The following ZNF710 variants were observed in gnomAD, a reference collection of about 807,000 sequenced individuals.
ZNF710 encodes zinc finger protein 710.
A neutral mutation model predicts 50.6 loss-of-function variants in ZNF710; 13 were observed. The ratio of observed to expected loss-of-function variants is 0.26; its 90% confidence interval spans 0.17 to 0.41. The LOEUF (loss-of-function observed/expected upper bound fraction) is 0.41, where lower values mean the gene tolerates loss of function less well. ZNF710 is among the 10% of genes least tolerant of loss of function. The pLI, the probability that ZNF710 is intolerant of heterozygous loss-of-function variation, is 1.00. For missense variants in ZNF710, 721 were observed against 936.6 expected (o/e 0.77, Z 3.01); for synonymous variants, 383 against 397.0 (o/e 0.96, Z 0.42).
Position 90,079,844 on chromosome 15 carries a change from C to A in ZNF710, c.*15C>A. The A allele has an allele frequency of 6.4e-7, 1 of 1,572,666 alleles. No individual in the cohort carries two copies. Among genetic ancestry groups the A allele is most frequent in the Non-Finnish European group, 8.6e-7 (1 of 1,163,370 alleles). On this transcript the variant is annotated 3_prime_UTR_variant, in exon 5 of 5. Coordinates refer to ENST00000268154, the MANE Select transcript of ZNF710 (RefSeq NM_198526.4). ...ATGTGCTATAGCGCAAGCTGGGCCA[C>A]CCCTAACGGGGGCCGGGGGCGAGGG...
chr15:90,015,898 C>G (rs901444220), intron 1 of ZNF710, among the ~76,000 whole-genome samples: 1 of 152,148 alleles, frequency 6.6e-6, no homozygotes, highest in Non-Finnish European at 1.5e-5. Context: ...CGTGAGTCAC[C>G]GCGCCCAATG....
intron 1 of ZNF710, among the ~76,000 whole-genome samples, chr15:90,023,256 C>G (rs1358809249): frequency 6.6e-6 from 1 of 152,192 alleles, no homozygotes; most frequent in Non-Finnish European, 1.5e-5. Flanking sequence ...AAAAGTAAAG[C>G]AGGAGCTACA....
At chr15:90,043,200 C>T (rs919883550) in intron 1 of ZNF710, among the ~76,000 whole-genome samples, 9 of 152,268 alleles carry the variant, frequency 5.9e-5, no homozygotes, top group African/African-American at 1.7e-4. Flanking sequence ...CGGCTTTCAC[C>T]TCCAGCCAGG....
rs758316115 is a variant in ZNF710, at chr15:90,034,240, C to T, written c.-29+32626C>T. Among the ~76,000 whole-genome samples, 13 of 150,566 alleles carry T rather than the reference C, an allele frequency of 8.6e-5. No individual in the cohort carries two copies. Among genetic ancestry groups the T allele is most frequent in the South Asian group, 2.1e-4 (1 of 4,794 alleles). On this transcript the variant is annotated intron_variant, in intron 1 of 4. Coordinates refer to ENST00000268154, the MANE Select transcript of ZNF710 (RefSeq NM_198526.4). This position sits in a 1 kb window ranked among gnomAD's most constrained non-coding sequence, Gnocchi z 4.0. ...AAGAAAAGAAAAGAAAACAGGTGAACGACAGTCACTCCTGGAGGGGTTCTT... is the reference window on the plus strand; with the variant it reads ...AAGAAAAGAAAAGAAAACAGGTGAATGACAGTCACTCCTGGAGGGGTTCTT...
In ZNF710 at chr15:90,059,391, C is replaced by A. The variant is rs1327644422; in HGVS notation, c.-28-7719C>A. Among the ~76,000 whole-genome samples, 1 of 152,248 alleles carries A rather than the reference C, an allele frequency of 6.6e-6. No individual in the cohort carries two copies. The highest frequency in any genetic ancestry group is 1.9e-4 in the East Asian group (1 of 5,202). ...GACCTGCATTCTAGCCCTTGCTCCC[C>A]CACCGTCTCACTGTGTGACCTTGGA... On this transcript the variant is annotated intron_variant, in intron 1 of 4. Transcript: ENST00000268154. This position sits in a 1 kb window ranked among gnomAD's most constrained non-coding sequence, Gnocchi z 4.1.
chr15:90,033,851 G>A (rs1477284299), intron 1 of ZNF710, among the ~76,000 whole-genome samples: 2 of 152,154 alleles, frequency 1.3e-5, no homozygotes, highest in African/African-American at 2.4e-5. Flanking sequence ...AAACGTGGGC[G>A]CTACCAGCTG....
At chr15:90,020,965 A>G (rs1898599137) in intron 1 of ZNF710, among the ~76,000 whole-genome samples, 1 of 151,760 alleles carries the variant, frequency 6.6e-6, no homozygotes, top group African/African-American at 2.4e-5. Flanking sequence ...CACCAAGGGC[A>G]TGAGTAGTGG....
At chr15:90,058,466 A>C (rs1355495692) in intron 1 of ZNF710, among the ~76,000 whole-genome samples, 1 of 151,942 alleles carries the variant, frequency 6.6e-6, no homozygotes, top group Non-Finnish European at 1.5e-5. Flanking sequence ...TTCACTCTCC[A>C]TCTCACTTAC....
At chr15:90,056,355 G>A (rs1467947608) in intron 1 of ZNF710, among the ~76,000 whole-genome samples, 3 of 152,100 alleles carry the variant, frequency 2.0e-5, no homozygotes, top group Admixed American at 2.0e-4. Flanking sequence ...CGGAGGTTGC[G>A]GTGAGCCGAG....
chr15:89,999,729 G>A (rs941790202), upstream of ZNF710, among the ~76,000 whole-genome samples: 7 of 152,146 alleles, frequency 4.6e-5, 1 homozygote, highest in Middle Eastern at 0.01. Context: ...GGGCTGGGGG[G>A]AGGGGTGAGG....
At chr15:90,073,285 G>T in intron 3 of ZNF710, 23 bp downstream of exon 3, 1 of 1,605,710 alleles carries the variant, frequency 6.2e-7, no homozygotes, top group Non-Finnish European at 8.5e-7. Context: ...CAGGCCCCGG[G>T]GCTGGGACCT....
At chr15:90,004,002 G>A (rs923615777) in intron 1 of ZNF710, among the ~76,000 whole-genome samples, 16 of 152,186 alleles carry the variant, frequency 1.1e-4, no homozygotes, top group African/African-American at 3.9e-4. Flanking sequence ...GCAGTGAGTT[G>A]AAGTGGGACG....
At chr15:90,031,025 AAAG>A (rs1396767679) in intron 1 of ZNF710, among the ~76,000 whole-genome samples, 1 of 150,260 alleles carries the variant, frequency 6.7e-6, no homozygotes. Flanking sequence ...TCTCAAAAAA[AAAG>A]AAAAAAAAAA....
At chr15:90,055,339 T>A (rs895290745) in intron 1 of ZNF710, among the ~76,000 whole-genome samples, 2 of 152,020 alleles carry the variant, frequency 1.3e-5, no homozygotes, top group African/African-American at 4.8e-5. Flanking sequence ...GGGGAAAGCA[T>A]GTGTGAAGAG....
Position 90,034,214 on chromosome 15 carries a change from A to AAAG in ZNF710, c.-29+32603_-29+32605dup, listed in dbSNP as rs869124237. On this transcript the variant is annotated intron_variant, in intron 1 of 4. Coordinates refer to ENST00000268154, the MANE Select transcript of ZNF710 (RefSeq NM_198526.4). This position sits in a 1 kb window ranked among gnomAD's most constrained non-coding sequence, Gnocchi z 4.0. ...CTCTGTCTCAAAAAAAAAGAAAAGA[A>AAAG]AAGAAAAGAAAAGAAAACAGGTGAA... Among the ~76,000 whole-genome samples, 12 of 151,646 alleles carry AAAG rather than the reference A, an allele frequency of 7.9e-5. No individual in the cohort carries two copies. The highest frequency in any genetic ancestry group is 3.3e-4 in the Admixed American group (5 of 15,238).
intron 1 of ZNF710, among the ~76,000 whole-genome samples, chr15:90,061,142 T>G (rs1342979216): frequency 2.0e-5 from 3 of 151,290 alleles, no homozygotes; most frequent in Non-Finnish European, 4.4e-5. Context: ...TTTGTTTGCT[T>G]GCTTGCTTTT....
intron 1 of ZNF710, among the ~76,000 whole-genome samples, chr15:90,010,755 A>T (rs1016566263): frequency 4.0e-5 from 6 of 151,810 alleles, no homozygotes; most frequent in South Asian, 2.1e-4. Flanking sequence ...CTTTTTAAAA[A>T]TTTTTTATTT....
intron 1 of ZNF710, among the ~76,000 whole-genome samples, chr15:90,044,245 G>A (rs914689907): frequency 1.3e-5 from 2 of 152,224 alleles, no homozygotes; most frequent in Non-Finnish European, 2.9e-5. Flanking sequence ...GGGACTGGCA[G>A]GATCTAGACA....
chr15:90,011,316 C>G (rs1437025258), intron 1 of ZNF710, among the ~76,000 whole-genome samples: 1 of 152,158 alleles, frequency 6.6e-6, no homozygotes, highest in Non-Finnish European at 1.5e-5. Context: ...GCTATGTTGC[C>G]CAGGCTGGTC....
Sources: allele counts gnomAD v4.1 joint callset (sites outside exome capture counted in the v4.1 genomes callset), GRCh38; gene constraint gnomAD v4.1.1; non-coding constraint Gnocchi (gnomAD v3.1); transcripts MANE v1.5; gene names NCBI Gene and HGNC (gene_info 2026-07-23, HGNC 2026-07-21).